The following MRTFA variants were observed in gnomAD, a reference collection of about 807,000 sequenced individuals.
MRTFA encodes myocardin related transcription factor A, also known as myocardin-related transcription factor A.
Under a neutral mutation model 83.5 loss-of-function variants are expected in MRTFA, and 20 were observed. That is an observed-to-expected ratio of 0.24 (90% CI 0.17 to 0.35). MRTFA has a LOEUF of 0.35. MRTFA is among the 10% of genes least tolerant of loss of function. MRTFA has a pLI of 1.00. For missense variants in MRTFA, 1,200 were observed against 1,224.7 expected, an observed-to-expected ratio of 0.98 and a Z score of 0.30; for synonymous variants, 659 against 541.2, an observed-to-expected ratio of 1.22 and a Z score of -3.02.
At chr22:40,505,767 C>T (rs895064324) in intron 3 of MRTFA, among the ~76,000 whole-genome samples, 2 of 152,188 alleles carry the variant, frequency 1.3e-5, no homozygotes, top group Non-Finnish European at 2.9e-5. Context: ...GCAGCCCTCA[C>T]AAGACAACCA....
chr22:40,612,259 C>A (rs891333069), intron 1 of MRTFA, among the ~76,000 whole-genome samples: 4 of 151,872 alleles, frequency 2.6e-5, no homozygotes, highest in African/African-American at 7.3e-5. Flanking sequence ...CCAGGAGAAA[C>A]CAAAAAAAAT....
At chr22:40,489,263 G>A (rs1392647590) in intron 3 of MRTFA, among the ~76,000 whole-genome samples, 1 of 152,006 alleles carries the variant, frequency 6.6e-6, no homozygotes, top group Admixed American at 6.6e-5. Context: ...TTTACCATTT[G>A]AGGCAAAATC....
intron 2 of MRTFA, among the ~76,000 whole-genome samples, chr22:40,570,271 G>GA (rs2055769520): frequency 6.6e-6 from 1 of 152,060 alleles, no homozygotes; most frequent in East Asian, 1.9e-4. Context: ...TGATTTCTAG[G>GA]AAATGTCCTT....
At chr22:40,560,199 A>G (rs1002193946) in intron 2 of MRTFA, among the ~76,000 whole-genome samples, 2 of 152,252 alleles carry the variant, frequency 1.3e-5, no homozygotes, top group Non-Finnish European at 2.9e-5. Flanking sequence ...GCTGGTTATT[A>G]GGTATTTAGA....
At chr22:40,569,759 ACATACATACATACATACAT>A (rs949116942) in intron 2 of MRTFA, 2 of 150,914 alleles carry the variant, frequency 1.3e-5, no homozygotes, top group African/African-American at 2.5e-5. Context: ...ATACATACAT[ACATACATACATACATACAT>A]CAAGGGGGTG....
intron 3 of MRTFA, among the ~76,000 whole-genome samples, chr22:40,539,552 G>C (rs2055252100): frequency 7.0e-6 from 1 of 142,764 alleles, no homozygotes; most frequent in Admixed American, 7.0e-5. Flanking sequence ...AGCCAGGCTG[G>C]AGTGCAGTGG....
chr22:40,504,946 T>C (rs928954435), intron 3 of MRTFA, among the ~76,000 whole-genome samples: 1 of 152,244 alleles, frequency 6.6e-6, no homozygotes, highest in African/African-American at 2.4e-5. Flanking sequence ...AGGATAAAGT[T>C]TCCTCTTATT....
chr22:40,521,854 CCTT>C lies in MRTFA; in HGVS notation c.241+30249_241+30251del, dbSNP rs150247840. On this transcript the variant is annotated intron_variant, in intron 3 of 14. Coordinates refer to ENST00000355630, the MANE Select transcript of MRTFA (RefSeq NM_020831.6). The stretch of plus-strand genomic sequence containing the variant: ...GAGTCAATGTTCCCTCTCTCTCTCT[CCTT>C]TTTTTTTTTTTAAGACGGAGTCTTG... The C allele has an allele frequency of 8.3e-3, 1,259 of 150,830 alleles. 17 individuals carry two copies. Among genetic ancestry groups the C allele is most frequent in the African/African-American group, 0.026 (1,049 of 40,980 alleles). 9.3% of individuals were successfully genotyped at this position (150,830 alleles called of 1,614,324 possible). A position where few individuals can be genotyped will look rare whatever the true frequency, so the allele number is the denominator to read the frequency against.
intron 4 of MRTFA, among the ~76,000 whole-genome samples, chr22:40,451,775 G>A (rs1277353909): frequency 6.6e-6 from 1 of 152,074 alleles, no homozygotes; most frequent in East Asian, 1.9e-4. Flanking sequence ...CCACAGCCCA[G>A]TCTAAGACCC....
intron 6 of MRTFA, among the ~76,000 whole-genome samples, chr22:40,430,230 G>A (rs758672296): frequency 8.5e-5 from 13 of 152,230 alleles, no homozygotes; most frequent in Non-Finnish European, 1.8e-4. Context: ...GCTCACGCTT[G>A]TAATCCCAGC....
chr22:40,508,513 CAA>C (rs1175724448), intron 3 of MRTFA, among the ~76,000 whole-genome samples: 356 of 25,998 alleles, frequency 0.014, no homozygotes, highest in African/African-American at 0.041. Flanking sequence ...CTCCGTCTCT[CAA>C]AAAAAAAAAA....
intron 3 of MRTFA, among the ~76,000 whole-genome samples, chr22:40,502,463 G>C (rs1221725833): frequency 7.3e-6 from 1 of 136,224 alleles, no homozygotes; most frequent in East Asian, 2.4e-4. Flanking sequence ...TCAGACGATG[G>C]GCGGCCGGGC....
At chr22:40,588,596 C>T (rs1245564644) in intron 2 of MRTFA, among the ~76,000 whole-genome samples, 2 of 152,122 alleles carry the variant, frequency 1.3e-5, no homozygotes, top group Non-Finnish European at 2.9e-5. Flanking sequence ...CAATAGATTG[C>T]CAGTTAATGA....
intron 3 of MRTFA, among the ~76,000 whole-genome samples, chr22:40,505,829 G>A (rs1027921846): frequency 6.6e-6 from 1 of 152,194 alleles, no homozygotes; most frequent in East Asian, 1.9e-4. Flanking sequence ...AACTATGAGA[G>A]ATAAATTTCT....
intron 3 of MRTFA, among the ~76,000 whole-genome samples, chr22:40,483,221 T>C (rs963174084): frequency 1.3e-5 from 2 of 151,996 alleles, no homozygotes; most frequent in African/African-American, 4.8e-5. Context: ...CCACCACGTC[T>C]GGCTAATTTT....
At chr22:40,622,921 A>G (rs1365240070) in intron 1 of MRTFA, among the ~76,000 whole-genome samples, 1 of 152,214 alleles carries the variant, frequency 6.6e-6, no homozygotes, top group Non-Finnish European at 1.5e-5. Flanking sequence ...CAGATTATGG[A>G]TATATCTTGA....
intron 4 of MRTFA, among the ~76,000 whole-genome samples, chr22:40,455,920 C>A (rs1440450232): frequency 2.0e-5 from 3 of 152,042 alleles, no homozygotes; most frequent in Non-Finnish European, 4.4e-5. Flanking sequence ...CAGGTTCAAG[C>A]AATTCCCCCT....
At chr22:40,493,809 A>T (rs1270616705) in intron 3 of MRTFA, among the ~76,000 whole-genome samples, 1 of 152,234 alleles carries the variant, frequency 6.6e-6, no homozygotes, top group Non-Finnish European at 1.5e-5. Context: ...CCTATTCCTG[A>T]GTATTTATCT....
At chr22:40,471,765 G>A (rs551898786) in intron 3 of MRTFA, among the ~76,000 whole-genome samples, 86 of 152,168 alleles carry the variant, frequency 5.7e-4, no homozygotes, top group Non-Finnish European at 9.0e-4. Flanking sequence ...CAAACTACTC[G>A]GGAGGCTGAG....
Sources: gnomAD v4.1 joint callset for allele counts (sites outside exome capture counted in the v4.1 genomes callset) on GRCh38, gnomAD v4.1.1 for gene constraint, MANE v1.5 for transcripts, NCBI Gene and HGNC (gene_info 2026-07-23, HGNC 2026-07-21) for gene names.